The following STPG2 variants were observed in gnomAD, a reference collection of about 807,000 sequenced individuals.
STPG2 encodes sperm-tail PG-rich repeat-containing protein 2.
In STPG2, 56 loss-of-function variants were observed where a neutral mutation model predicts 54.2. The ratio of observed to expected loss-of-function variants is 1.03; its 90% CI spans 0.83 to 1.29. The LOEUF is 1.29. STPG2 is among the 50% of genes most tolerant of loss of function. The pLI, the probability that STPG2 is intolerant of heterozygous loss-of-function variation, is 0.00. For missense variants in STPG2, 596 were observed against 544.9 expected (o/e 1.09, Z -0.93); for synonymous variants, 200 against 181.8 (o/e 1.10, Z -0.81).
chr4:97,771,862 T>C (rs2149063082), intron 9 of STPG2, among the ~76,000 whole-genome samples: 1 of 152,088 alleles, frequency 6.6e-6, no homozygotes, highest in South Asian at 2.1e-4. Flanking sequence ...AGAGTGTCAG[T>C]GTGGAAAAGT....
At chr4:97,930,267 G>C (rs1219473480) in intron 8 of STPG2, among the ~76,000 whole-genome samples, 2 of 152,164 alleles carry the variant, frequency 1.3e-5, no homozygotes, top group Non-Finnish European at 2.9e-5. Flanking sequence ...TTATGTCCAA[G>C]ATAGTATTGG....
At position 97,564,530 on chromosome 4, in the gene STPG2, G is replaced by A. The variant is rs542513351; in HGVS notation, c.1321-5413C>T. On this transcript the variant is annotated intron_variant, in intron 10 of 10. Coordinates refer to ENST00000295268, the MANE Select transcript of STPG2 (RefSeq NM_174952.3). The stretch of plus-strand genomic sequence containing the variant: ...GTTGATGCAGTTTCTTCCTAGCATC[G>A]ATGGTCTTTACAATTTGGCATGATT... Among the ~76,000 whole-genome samples the A allele has an allele frequency of 4.2e-3, 633 of 152,266 alleles. 3 individuals are homozygous for A. Among genetic ancestry groups the A allele is most frequent in the South Asian group, 0.02 (98 of 4,816 alleles).
At chr4:97,714,865 A>G (rs1311579245) in intron 9 of STPG2, among the ~76,000 whole-genome samples, 1 of 152,162 alleles carries the variant, frequency 6.6e-6, no homozygotes, top group Non-Finnish European at 1.5e-5. Context: ...TATTATCCAA[A>G]CACTATTGTA....
intron 8 of STPG2, among the ~76,000 whole-genome samples, chr4:97,863,488 G>T (rs1472163080): frequency 3.9e-5 from 6 of 152,174 alleles, no homozygotes; most frequent in African/African-American, 1.4e-4. Flanking sequence ...TCCAGGACCA[G>T]ATGGATTCAT....
intron 7 of STPG2, among the ~76,000 whole-genome samples, chr4:97,944,569 A>G (rs889716197): frequency 6.6e-5 from 10 of 152,072 alleles, no homozygotes; most frequent in African/African-American, 2.4e-4. Context: ...ATTTTGTCAT[A>G]CAATTTATTT....
intron 5 of STPG2, among the ~76,000 whole-genome samples, chr4:98,097,585 T>C (rs1738898014): frequency 6.6e-6 from 1 of 152,096 alleles, no homozygotes; most frequent in Non-Finnish European, 1.5e-5. Flanking sequence ...GATGTCCACT[T>C]TCACCACTGT....
intron 9 of STPG2, among the ~76,000 whole-genome samples, chr4:97,818,900 T>C (rs915749469): frequency 6.7e-6 from 1 of 149,464 alleles, no homozygotes; most frequent in Non-Finnish European, 1.5e-5. Context: ...TCTCAAATTA[T>C]GTGTAGAGAA....
intron 4 of STPG2, among the ~76,000 whole-genome samples, chr4:97,480,035 G>T (rs1392717370): frequency 6.6e-6 from 1 of 151,670 alleles, no homozygotes; most frequent in African/African-American, 2.4e-5. Context: ...AATGAAACTG[G>T]TTCTTTGAAA....
intron 4 of STPG2, among the ~76,000 whole-genome samples, chr4:97,487,532 A>G (rs1730398516): frequency 6.6e-6 from 1 of 151,590 alleles, no homozygotes; most frequent in African/African-American, 2.4e-5. Context: ...TATTTCCAAC[A>G]CACCATTTTT....
chr4:97,679,304 T>G (rs960659657), intron 10 of STPG2, among the ~76,000 whole-genome samples: 181 of 151,944 alleles, frequency 1.2e-3, no homozygotes, highest in Middle Eastern at 3.4e-3. Flanking sequence ...CCTGACTTTT[T>G]AATGATTGCC....
intron 8 of STPG2, among the ~76,000 whole-genome samples, chr4:97,843,722 A>T (rs547670205): frequency 1.3e-5 from 2 of 151,918 alleles, no homozygotes. Flanking sequence ...ACTGGTTTCA[A>T]CCTACTTCAA....
chr4:97,898,334 A>C (rs987146400), intron 8 of STPG2, among the ~76,000 whole-genome samples: 2 of 150,994 alleles, frequency 1.3e-5, no homozygotes, highest in South Asian at 2.1e-4. Flanking sequence ...TACTCTTATA[A>C]ATTTTAAAAA....
intron 4 of STPG2, among the ~76,000 whole-genome samples, chr4:97,504,671 A>C (rs1453480132): frequency 1.3e-5 from 2 of 152,042 alleles, no homozygotes; most frequent in East Asian, 3.9e-4. Context: ...AACATAGGAA[A>C]ACAACAACCC....
chr4:97,732,656 A>G (rs1015573753), intron 9 of STPG2, among the ~76,000 whole-genome samples: 1 of 152,194 alleles, frequency 6.6e-6, no homozygotes, highest in Non-Finnish European at 1.5e-5. Flanking sequence ...TTTGGAAACT[A>G]TGGATGGGAG....
chr4:98,051,094 C>A (rs535655475), intron 5 of STPG2, among the ~76,000 whole-genome samples: 1 of 151,990 alleles, frequency 6.6e-6, no homozygotes, highest in East Asian at 1.9e-4. Flanking sequence ...CAACAGAAAT[C>A]CAAACAATTG....
At chr4:97,641,193 T>C (rs890587032) in intron 10 of STPG2, among the ~76,000 whole-genome samples, 1 of 151,634 alleles carries the variant, frequency 6.6e-6, no homozygotes, top group Non-Finnish European at 1.5e-5. Context: ...AAAACTTCTC[T>C]TTTAGCACAC....
At chr4:97,934,025 C>T (rs947823712) in intron 8 of STPG2, among the ~76,000 whole-genome samples, 2 of 152,104 alleles carry the variant, frequency 1.3e-5, no homozygotes, top group African/African-American at 4.8e-5. Flanking sequence ...TTGTTTGTGT[C>T]CTCTCTTATT....
chr4:97,635,515 T>G (rs1280820879), intron 10 of STPG2, among the ~76,000 whole-genome samples: 2 of 152,152 alleles, frequency 1.3e-5, no homozygotes, highest in Non-Finnish European at 2.9e-5. Flanking sequence ...GTAAATGGAC[T>G]AAATGCTCCA....
Position 97,594,563 on chromosome 4 carries a change from GA to G in STPG2, c.1321-35447del, listed in dbSNP as rs369449921. The stretch of plus-strand genomic sequence containing the variant: ...GAGAGGGAGAGAAATCAAGCAAGTT[GA>G]AAAACCTACTTCAGAATATTGTTCA... On this transcript the variant is annotated intron_variant, in intron 10 of 10. Transcript: ENST00000295268. 3.3e-3 allele frequency among the ~76,000 whole-genome samples: 503 copies of G among 152,236 alleles called. 3 individuals carry two copies. The highest frequency in any genetic ancestry group is 0.011 in the African/African-American group (475 of 41,542).
Sources: allele counts gnomAD v4.1 joint callset (sites outside exome capture counted in the v4.1 genomes callset), GRCh38; gene constraint gnomAD v4.1.1; transcripts MANE v1.5; gene names NCBI Gene and HGNC (gene_info 2026-07-23, HGNC 2026-07-21).